Variants in GALNT18 observed in about 807,000 individuals in gnomAD.
The protein encoded by GALNT18 is GalNAc-transferase 18.
Under a neutral mutation model 69.5 loss-of-function variants are expected in GALNT18, and 44 were observed. That is an observed-to-expected ratio of 0.63 (90% confidence interval 0.50 to 0.81). The LOEUF is 0.81. Among genes scored for constraint, GALNT18 ranks in the 40% least tolerant of loss-of-function variants. The pLI, the probability that GALNT18 is intolerant of heterozygous loss-of-function variation, is 0.00. For missense variants in GALNT18, 715 were observed against 810.0 expected, an observed-to-expected ratio of 0.88 and a Z score of 1.42; for synonymous variants, 364 against 318.2, an observed-to-expected ratio of 1.14 and a Z score of -1.53.
In GALNT18 at chr11:11,352,732, C is replaced by A. The variant is rs768980130; in HGVS notation, c.1093-11728G>T. Reference sequence around the variant, plus strand: ...TACATGTAAAATCGAATATCATAGTCTGTTAACGTCTGGTACAATTGCTTG... The same window carrying A: ...TACATGTAAAATCGAATATCATAGTATGTTAACGTCTGGTACAATTGCTTG... On this transcript the variant is annotated intron_variant, in intron 6 of 10. Transcript: ENST00000227756. 9.3e-6 allele frequency: 15 copies of A among 1,614,152 alleles called. No individual in the cohort carries two copies. The South Asian group carries it at 1.4e-4, about 15-fold the overall frequency.
intron 1 of GALNT18, among the ~76,000 whole-genome samples, chr11:11,532,633 A>G (rs564632618): frequency 6.6e-6 from 1 of 152,274 alleles, no homozygotes; most frequent in Non-Finnish European, 1.5e-5. Flanking sequence ...GCCTGTGCTC[A>G]GATCATCTTG....
chr11:11,271,377 G>GCTGACATTAT, intron 10 of GALNT18, 87 bp from the exon 11 acceptor site: 1 of 1,391,532 alleles, frequency 7.2e-7, no homozygotes, highest in Non-Finnish European at 1.0e-6. Context: ...GCTGGTGAGG[G>GCTGACATTAT]CTGACATTAT....
chr11:11,315,884 C>T lies in GALNT18; in HGVS notation c.1512+11202G>A, dbSNP rs574104345. On this transcript the variant is annotated intron_variant, in intron 9 of 10. Transcript: ENST00000227756. This position sits in a 1 kb window ranked among gnomAD's most constrained non-coding sequence, Gnocchi z 5.6. ...ACCCCCTCAAACAACCATCCTGCACCGAGAAACTGAACGTGTGACAAACAG... is the reference window on the plus strand; with the variant it reads ...ACCCCCTCAAACAACCATCCTGCACTGAGAAACTGAACGTGTGACAAACAG... Among the ~76,000 whole-genome samples the T allele has an allele frequency of 5.9e-5, 9 of 152,036 alleles. No homozygotes were observed. Among genetic ancestry groups the T allele is most frequent in the African/African-American group, 1.2e-4 (5 of 41,370 alleles).
chr11:11,276,577 G>A (rs1361312387), intron 10 of GALNT18, among the ~76,000 whole-genome samples: 4 of 152,154 alleles, frequency 2.6e-5, no homozygotes, highest in Admixed American at 1.3e-4. Context: ...ATGTTGAATA[G>A]GAGTGGTGAG....
Position 11,377,842 on chromosome 11 carries a change from C to T in GALNT18, c.780-463G>A, listed in dbSNP as rs573294282. Among the ~76,000 whole-genome samples, 3 of 152,142 alleles carry T rather than the reference C, an allele frequency of 2.0e-5. No homozygotes were observed. Among genetic ancestry groups the T allele is most frequent in the African/African-American group, 7.2e-5 (3 of 41,412 alleles). On this transcript the variant is annotated intron_variant, in intron 4 of 10. Transcript: ENST00000227756. This position sits in a 1 kb window ranked among gnomAD's most constrained non-coding sequence, Gnocchi z 4.6. Reference sequence around the variant, plus strand: ...CTAGGAGCTGAGAACAAACCTACATCCACCAGCCATGCGATGTTGCCCTGG... The same window carrying T: ...CTAGGAGCTGAGAACAAACCTACATTCACCAGCCATGCGATGTTGCCCTGG...
At chr11:11,566,354 G>C (rs1344311087) in intron 1 of GALNT18, among the ~76,000 whole-genome samples, 2 of 152,212 alleles carry the variant, frequency 1.3e-5, no homozygotes, top group Non-Finnish European at 2.9e-5. Context: ...CAAGCAGTGA[G>C]CAGGATTTGG....
At chr11:11,280,451 C>T (rs2132984225) in intron 10 of GALNT18, among the ~76,000 whole-genome samples, 1 of 152,164 alleles carries the variant, frequency 6.6e-6, no homozygotes, top group East Asian at 1.9e-4. Context: ...CAGTCTTCCC[C>T]CAGCTGCCCA....
chr11:11,352,756 T>G, intron 6 of GALNT18: 1 of 1,614,188 alleles, frequency 6.2e-7, no homozygotes. Context: ...TACAATTGCT[T>G]GAAGTCTGTG....
chr11:11,416,905 C>G (rs543280171), intron 3 of GALNT18, among the ~76,000 whole-genome samples: 1 of 152,278 alleles, frequency 6.6e-6, no homozygotes. Context: ...TCCCCTCCCC[C>G]AGCCCTTGCT....
rs1223592401 is a variant in GALNT18, at chr11:11,500,481, C to A, written c.236-51545G>T. On this transcript the variant is annotated intron_variant, in intron 1 of 10. Coordinates refer to ENST00000227756, the MANE Select transcript of GALNT18 (RefSeq NM_198516.3). This position sits in a 1 kb window ranked among gnomAD's most constrained non-coding sequence, Gnocchi z 5.0. ...CCAATACCCAGATCAGCAGCCATGT[C>A]TGGAGATGTTTTTGGTTGTCACATC... Among the ~76,000 whole-genome samples, 1 of 152,234 alleles carries A rather than the reference C, an allele frequency of 6.6e-6. No homozygotes were observed. The highest frequency in any genetic ancestry group is 1.5e-5 in the Non-Finnish European group (1 of 68,054).
In GALNT18 at chr11:11,430,132, A is replaced by G. The variant is rs955137639; in HGVS notation, c.595+2489T>C. ...GGCAACAGAGCAAGACCCTGTCTCA[A>G]AAAAAACCAAAATAAAAAAAAGAAT... On this transcript the variant is annotated intron_variant, in intron 3 of 10. Coordinates refer to ENST00000227756, the MANE Select transcript of GALNT18 (RefSeq NM_198516.3). The surrounding 1 kb of genome is among the most constrained non-coding windows in gnomAD (Gnocchi z 4.9). 6.6e-6 allele frequency among the ~76,000 whole-genome samples: 1 copy of G among 152,198 alleles called. No individual in the cohort carries two copies. The highest frequency in any genetic ancestry group is 1.5e-5 in the Non-Finnish European group (1 of 68,032).
intron 1 of GALNT18, among the ~76,000 whole-genome samples, chr11:11,548,199 C>T (rs1266973825): frequency 1.3e-5 from 2 of 152,224 alleles, no homozygotes; most frequent in African/African-American, 4.8e-5. Context: ...AAAGCCAGCA[C>T]AGGCTGCAAT....
chr11:11,568,177 A>G (rs1316271365), intron 1 of GALNT18, among the ~76,000 whole-genome samples: 1 of 152,256 alleles, frequency 6.6e-6, no homozygotes, highest in Non-Finnish European at 1.5e-5. Flanking sequence ...GAGCAGAACC[A>G]CAGCCAACGC....
chr11:11,489,870 C>T (rs1856725834), intron 1 of GALNT18, among the ~76,000 whole-genome samples: 1 of 152,122 alleles, frequency 6.6e-6, no homozygotes, highest in East Asian at 1.9e-4. Context: ...CTGAAGGTCA[C>T]AGAGCCAACG....
intron 10 of GALNT18, among the ~76,000 whole-genome samples, chr11:11,291,279 G>A (rs970454136): frequency 3.9e-5 from 6 of 152,100 alleles, no homozygotes; most frequent in African/African-American, 1.4e-4. Flanking sequence ...CTTCTCCCAC[G>A]TGGCCACTTC....
chr11:11,525,072 C>A (rs1250080705), intron 1 of GALNT18, among the ~76,000 whole-genome samples: 1 of 152,020 alleles, frequency 6.6e-6, no homozygotes, highest in Non-Finnish European at 1.5e-5. Context: ...TGCAGAAAAA[C>A]CAATATACAA....
chr11:11,587,398 TC>T lies in GALNT18; in HGVS notation c.235+33960del, dbSNP rs1180926573. Among the ~76,000 whole-genome samples the T allele has an allele frequency of 6.6e-6, 1 of 152,148 alleles. No homozygotes were observed. Among genetic ancestry groups the T allele is most frequent in the East Asian group, 1.9e-4 (1 of 5,192 alleles). ...GCTGACCCCATCAGCAAAGCAGGCT[TC>T]CCTTCAAGGAATCCGTTACACACCA... On this transcript the variant is annotated intron_variant, in intron 1 of 10. Coordinates refer to ENST00000227756, the MANE Select transcript of GALNT18 (RefSeq NM_198516.3). The surrounding 1 kb of genome is among the most constrained non-coding windows in gnomAD (Gnocchi z 4.4).
intron 6 of GALNT18, among the ~76,000 whole-genome samples, chr11:11,355,989 C>T (rs1850521774): frequency 6.6e-6 from 1 of 152,190 alleles, no homozygotes; most frequent in African/African-American, 2.4e-5. Flanking sequence ...TATAGAAAAA[C>T]TTGTGTGCAG....
At position 11,586,381 on chromosome 11, in the gene GALNT18, T is replaced by C. The variant is rs994545006; in HGVS notation, c.235+34978A>G. Reference sequence around the variant, plus strand: ...TACAACCTATAGCAACAAAACTCCCTTGGGGTTTTCAATAATTTTTACAAG... The same window carrying C: ...TACAACCTATAGCAACAAAACTCCCCTGGGGTTTTCAATAATTTTTACAAG... On this transcript the variant is annotated intron_variant, in intron 1 of 10. Coordinates refer to ENST00000227756, the MANE Select transcript of GALNT18 (RefSeq NM_198516.3). The surrounding 1 kb of genome is among the most constrained non-coding windows in gnomAD (Gnocchi z 4.1). Among the ~76,000 whole-genome samples, 1 of 152,196 alleles carries C rather than the reference T, an allele frequency of 6.6e-6. No individual in the cohort carries two copies. Among genetic ancestry groups the C allele is most frequent in the African/African-American group, 2.4e-5 (1 of 41,446 alleles).
Sources: gnomAD v4.1 joint callset for allele counts (sites outside exome capture counted in the v4.1 genomes callset) on GRCh38, gnomAD v4.1.1 for gene constraint, Gnocchi (gnomAD v3.1) non-coding constraint, MANE v1.5 for transcripts, NCBI Gene and HGNC (gene_info 2026-07-23, HGNC 2026-07-21) for gene names.